Variants in TBC1D28 observed in about 807,000 individuals in gnomAD.
The protein encoded by TBC1D28 is TBC1 domain family, member 28.
Under a neutral mutation model 29.2 loss-of-function variants are expected in TBC1D28, and 20 were observed. The ratio of observed to expected loss-of-function variants is 0.68; its 90% CI spans 0.48 to 0.99. The LOEUF (loss-of-function observed/expected upper bound fraction) is 0.99. Ranked by LOEUF, TBC1D28 falls within the 50% of genes least tolerant of loss-of-function variation. The probability of loss-of-function intolerance (pLI) is 0.00; values close to 1 mark genes in which losing one functional copy is unlikely to be tolerated. For missense variants in TBC1D28, 205 were observed against 243.7 expected (o/e 0.84, Z 1.06); for synonymous variants, 65 against 90.9 (o/e 0.71, Z 1.62).
exon 9 of TBC1D28, chr17:18,636,438 T>A: frequency 6.2e-7 from 1 of 1,611,432 alleles, no homozygotes; most frequent in Non-Finnish European, 8.5e-7. Context: ...GCCTACTACG[T>A]CCTGGTGGAC....
chr17:18,641,366 G>A lies in TBC1D28; in HGVS notation c.-1-13C>T. On this transcript the variant is annotated splice_polypyrimidine_tract_variant and intron_variant, in intron 2 of 8. Transcript: ENST00000345096. ...ATCCATCTCCATCCTGCAAGACAAA[G>A]TCATCCCAAGGCTCTCCCGCACCCA... 6.2e-7 allele frequency: 1 copy of A among 1,613,602 alleles called. No individual in the cohort carries two copies. Among genetic ancestry groups the A allele is most frequent in the Non-Finnish European group, 8.5e-7 (1 of 1,179,634 alleles).
At chr17:18,638,336 A>C in exon 7 of TBC1D28, 1 of 1,614,166 alleles carries the variant, frequency 6.2e-7, no homozygotes, top group Non-Finnish European at 8.5e-7. Flanking sequence ...GGGTTCTGGG[A>C]CTTGATTTTG....
At chr17:18,643,202 G>A (rs1006002437), upstream of TBC1D28, among the ~76,000 whole-genome samples, 1 of 152,176 alleles carries the variant, frequency 6.6e-6, no homozygotes, top group Admixed American at 6.5e-5. Flanking sequence ...GCAGATGGGG[G>A]CTAGGGGTTA....
intron 7 of TBC1D28, 147 bp from the exon 9 acceptor site, chr17:18,638,120 T>A (rs570206069): frequency 3.5e-6 from 5 of 1,443,038 alleles, no homozygotes; most frequent in Non-Finnish European, 4.8e-6. Flanking sequence ...TTTGCCTTGT[T>A]TCTGACGCCA....
At chr17:18,641,300 A>G in exon 3 of TBC1D28, 2 of 1,613,550 alleles carry the variant, frequency 1.2e-6, no homozygotes, top group Non-Finnish European at 1.7e-6. Context: ...AGTAATGATG[A>G]TATTGCCTTG....
At chr17:18,642,114 C>T (rs1249731222) in exon 1 of TBC1D28, 1 of 153,514 alleles carries the variant, frequency 6.5e-6, no homozygotes, top group East Asian at 1.9e-4. Flanking sequence ...CTCTAGAGGA[C>T]CAGACAGAGA....
At chr17:18,638,025 C>T (rs1386789359) in intron 7 of TBC1D28, 52 bp from the exon 9 acceptor site, 9 of 1,449,382 alleles carry the variant, frequency 6.2e-6, no homozygotes, top group Non-Finnish European at 8.6e-6. Context: ...ACAAAAGACT[C>T]CCTGCCCCAA....
At position 18,636,602 on chromosome 17, in the gene TBC1D28, A is replaced by G. The variant is rs1363981520; in HGVS notation, c.498-5T>C. On this transcript the variant is annotated splice_polypyrimidine_tract_variant and splice_region_variant and intron_variant, in intron 8 of 8. Transcript: ENST00000345096. Reference sequence around the variant, plus strand: ...ATGTCACATAATTCCTGCTGCCTAGAAAAGAGGGGAAAGAGGGTTTTGTTT... The same window carrying G: ...ATGTCACATAATTCCTGCTGCCTAGGAAAGAGGGGAAAGAGGGTTTTGTTT... 9 of 1,609,678 alleles carry G rather than the reference A, an allele frequency of 5.6e-6. No individual in the cohort carries two copies. In the Admixed American group the frequency reaches 1.5e-4, roughly 27 times the overall value.
At chr17:18,636,205 A>G in exon 9 of TBC1D28, 1 of 1,259,264 alleles carries the variant, frequency 7.9e-7, no homozygotes, top group Middle Eastern at 3.1e-4. Context: ...CCAGGATGCA[A>G]ACTCATTTCA....
Position 18,639,171 on chromosome 17 carries a change from T to G in TBC1D28, c.198+4A>C. 1 of 1,611,368 alleles carries G rather than the reference T, an allele frequency of 6.2e-7. No homozygotes were observed. Among genetic ancestry groups the G allele is most frequent in the Non-Finnish European group, 8.5e-7 (1 of 1,179,360 alleles). ...CCTCCCACGCAGCAGGCACAGGCTC[T>G]TACCTTCACCTCCAGGGCACTGACG... On this transcript the variant is annotated splice_donor_region_variant and intron_variant, in intron 5 of 8. Transcript: ENST00000345096.
upstream of TBC1D28, among the ~76,000 whole-genome samples, chr17:18,643,356 T>C (rs1216699403): frequency 6.6e-6 from 1 of 150,672 alleles, no homozygotes; most frequent in Non-Finnish European, 1.5e-5. Flanking sequence ...ATTTCTGCTA[T>C]GGACGGAGGC....
chr17:18,641,232 G>C, intron 3 of TBC1D28, 46 bp downstream of exon 4: 1 of 1,565,216 alleles, frequency 6.4e-7, no homozygotes, highest in Non-Finnish European at 8.7e-7. Context: ...GGCACAGCGG[G>C]AGAGGCGAGG....
rs749377089 is a variant in TBC1D28, at chr17:18,638,467, C to G, written c.280-47G>C. 7.5e-6 allele frequency: 12 copies of G among 1,608,242 alleles called. No homozygotes were observed. The African/African-American group carries it at 1.6e-4, about 22-fold the overall frequency. On this transcript the variant is annotated intron_variant, in intron 6 of 8. Coordinates refer to ENST00000345096, the Ensembl canonical transcript of TBC1D28. ...AGTGAGAAAGGACATGGGGCAACCC[C>G]GCAGAGGAAAGCTGGCGAACAGGCC...
chr17:18,643,436 C>T (rs577630075), upstream of TBC1D28, among the ~76,000 whole-genome samples: 1,529 of 150,608 alleles, frequency 0.01, 11 homozygotes, highest in Non-Finnish European at 0.016. Context: ...CCCCACTAAC[C>T]AGACCCCTGC....
chr17:18,636,570 C>G (rs965015774), exon 9 of TBC1D28: 6 of 1,613,544 alleles, frequency 3.7e-6, no homozygotes, highest in Non-Finnish European at 5.1e-6. Context: ...CAGAATAGGC[C>G]ACGAGGATGT....
Position 18,641,184 on chromosome 17 carries a change from A to C in TBC1D28, c.76-80T>G. 3.1e-6 allele frequency: 4 copies of C among 1,273,314 alleles called. No homozygotes were observed. In the South Asian group the frequency reaches 6.0e-5, roughly 19 times the overall value. 78.9% of individuals were successfully genotyped at this position (1,273,314 alleles called of 1,614,324 possible). A position where few individuals can be genotyped will look rare whatever the true frequency, so the allele number is the denominator to read the frequency against. On this transcript the variant is annotated intron_variant, in intron 3 of 8. Transcript: ENST00000345096. ...CCAGGGAGGTGGGCAGCCCCTCCCC[A>C]CCCTGTGATCTTAGGAAGCCCAGGA... is the stretch of plus-strand genomic sequence containing the variant.
upstream of TBC1D28, among the ~76,000 whole-genome samples, chr17:18,643,903 C>G: frequency 6.6e-6 from 1 of 152,194 alleles, no homozygotes; most frequent in Non-Finnish European, 1.5e-5. Context: ...CACCACCTCC[C>G]TCCACCACAC....
At chr17:18,637,164 G>A (rs562631887) in intron 8 of TBC1D28, among the ~76,000 whole-genome samples, 14 of 140,768 alleles carry the variant, frequency 9.9e-5, no homozygotes, top group East Asian at 2.1e-4. Context: ...CCATGTTCCT[G>A]CAGGCATTAG....
intron 4 of TBC1D28, among the ~76,000 whole-genome samples, chr17:18,640,501 G>A (rs896557245): frequency 5.3e-5 from 8 of 152,168 alleles, no homozygotes; most frequent in Admixed American, 5.2e-4. Flanking sequence ...CCTGGCCTCA[G>A]TGAGAAGCCC....
Sources: gnomAD v4.1 joint callset for allele counts (sites outside exome capture counted in the v4.1 genomes callset) on GRCh38, gnomAD v4.1.1 for gene constraint, MANE v1.5 for transcripts, NCBI Gene and HGNC (gene_info 2026-07-23, HGNC 2026-07-21) for gene names.